ART3: variants seen among roughly 807,000 people sequenced by gnomAD.
ART3 encodes the protein ecto-ADP-ribosyltransferase 3.
In ART3, 49 loss-of-function variants were observed where a neutral mutation model predicts 48.5. The ratio of observed to expected loss-of-function variants is 1.01; its 90% CI spans 0.80 to 1.28. ART3 has a LOEUF of 1.28. Ranked by LOEUF, ART3 falls within the 50% of genes most tolerant of loss-of-function variation. ART3 has a pLI of 0.00. For missense variants in ART3, 438 were observed against 454.3 expected (o/e 0.96, Z 0.33); for synonymous variants, 145 against 157.2 (o/e 0.92, Z 0.58).
At chr4:76,075,025 T>G (rs1432728847) in intron 1 of ART3, among the ~76,000 whole-genome samples, 1 of 152,210 alleles carries the variant, frequency 6.6e-6, no homozygotes, top group Non-Finnish European at 1.5e-5. Context: ...ACAAAACTGC[T>G]TCTGAAGAAA....
chr4:76,017,426 A>T (rs1469848997), intron 1 of ART3, among the ~76,000 whole-genome samples: 1 of 151,772 alleles, frequency 6.6e-6, no homozygotes, highest in Admixed American at 6.6e-5. Flanking sequence ...ACTCTATCCT[A>T]CTGTGGCTGA....
chr4:76,101,743 C>G (rs762151269), intron 8 of ART3, among the ~76,000 whole-genome samples: 7 of 149,198 alleles, frequency 4.7e-5, no homozygotes, highest in Non-Finnish European at 8.9e-5. Flanking sequence ...CAGAGTGAGA[C>G]TCCATCTTGG....
At chr4:76,080,176 C>A (rs1722142742) in intron 2 of ART3, among the ~76,000 whole-genome samples, 1 of 152,014 alleles carries the variant, frequency 6.6e-6, no homozygotes, top group African/African-American at 2.4e-5. Context: ...ATTTTTTGAT[C>A]CATAAGCCAG....
intron 1 of ART3, among the ~76,000 whole-genome samples, chr4:76,013,113 T>G (rs1731950349): frequency 6.6e-6 from 1 of 152,182 alleles, no homozygotes; most frequent in African/African-American, 2.4e-5. Flanking sequence ...TACAGAATAA[T>G]TGGAGGTACA....
intron 2 of ART3, among the ~76,000 whole-genome samples, chr4:76,078,553 C>CG (rs1553932122): frequency 2.6e-5 from 4 of 152,112 alleles, no homozygotes; most frequent in Non-Finnish European, 5.9e-5. Context: ...CCCAGGACTA[C>CG]GGGGGTCTTA....
chr4:76,022,511 G>T, intron 1 of ART3: 1 of 1,543,016 alleles, frequency 6.5e-7, no homozygotes, highest in Non-Finnish European at 8.9e-7. Flanking sequence ...CAATAAAACA[G>T]ATGGCATACG....
intron 8 of ART3, among the ~76,000 whole-genome samples, chr4:76,102,299 G>T (rs1475682546): frequency 6.6e-6 from 1 of 151,968 alleles, no homozygotes; most frequent in Admixed American, 6.6e-5. Flanking sequence ...TTTTAAAATG[G>T]CCAATTTGGG....
intron 2 of ART3, among the ~76,000 whole-genome samples, chr4:76,076,565 C>T (rs1721126686): frequency 6.6e-6 from 1 of 152,152 alleles, no homozygotes; most frequent in African/African-American, 2.4e-5. Context: ...TATGTGTATA[C>T]TGTTTTTAAT....
chr4:76,071,565 C>T (rs1047365024), upstream of ART3, among the ~76,000 whole-genome samples: 51 of 152,336 alleles, frequency 3.3e-4, no homozygotes, highest in African/African-American at 1.1e-3. Flanking sequence ...CATCTCCACT[C>T]TTCTATCAGA....
At chr4:76,059,649 C>T (rs1719017490) in intron 1 of ART3, among the ~76,000 whole-genome samples, 1 of 152,148 alleles carries the variant, frequency 6.6e-6, no homozygotes, top group African/African-American at 2.4e-5. Flanking sequence ...TCAGTACTCT[C>T]ATTACATATT....
At chr4:76,056,810 C>T (rs951996544) in intron 1 of ART3, among the ~76,000 whole-genome samples, 5 of 152,076 alleles carry the variant, frequency 3.3e-5, no homozygotes, top group Admixed American at 6.5e-5. Flanking sequence ...TTCTAAGTAT[C>T]ATGAGAAAAA....
intron 1 of ART3, among the ~76,000 whole-genome samples, chr4:76,015,080 A>G (rs1447232462): frequency 1.3e-5 from 2 of 152,244 alleles, no homozygotes; most frequent in Non-Finnish European, 2.9e-5. Context: ...GCTGAAATGA[A>G]AGGATACTAA....
intron 1 of ART3, among the ~76,000 whole-genome samples, chr4:76,048,264 C>T (rs1303892410): frequency 6.6e-6 from 1 of 151,838 alleles, no homozygotes; most frequent in Non-Finnish European, 1.5e-5. Flanking sequence ...ATTTCCCTTC[C>T]TTCTTACAGA....
At chr4:76,020,977 G>T (rs1732750747) in intron 1 of ART3, 1 of 152,182 alleles carries the variant, frequency 6.6e-6, no homozygotes, top group African/African-American at 2.4e-5. Flanking sequence ...GGAGATTACA[G>T]TTGGAAGGAG....
chr4:76,082,565 G>A (rs372774594), intron 3 of ART3, 30 bp downstream of exon 3: 4 of 1,507,190 alleles, frequency 2.7e-6, no homozygotes, highest in Non-Finnish European at 3.5e-6. Context: ...GTGCTTGGCT[G>A]GGAGGGAAGG....
intron 1 of ART3, among the ~76,000 whole-genome samples, chr4:76,061,368 G>A (rs1404516552): frequency 6.6e-6 from 1 of 152,042 alleles, no homozygotes; most frequent in African/African-American, 2.4e-5. Flanking sequence ...CTATATAATT[G>A]ATACCAAATC....
At chr4:76,094,554 A>G (rs1725596363) in intron 3 of ART3, among the ~76,000 whole-genome samples, 1 of 152,224 alleles carries the variant, frequency 6.6e-6, no homozygotes, top group African/African-American at 2.4e-5. Context: ...CTTATTCTTC[A>G]GATTTTCTAG....
intron 1 of ART3, chr4:76,041,123 T>G (rs1272796826): frequency 6.6e-6 from 1 of 152,220 alleles, no homozygotes; most frequent in African/African-American, 2.4e-5. Flanking sequence ...CCAAGTCCTT[T>G]CCGTGTGTTC....
At chr4:76,054,948 C>G (rs1718542814) in intron 1 of ART3, among the ~76,000 whole-genome samples, 1 of 152,114 alleles carries the variant, frequency 6.6e-6, no homozygotes, top group Non-Finnish European at 1.5e-5. Context: ...TTCTTGTTTT[C>G]TTTCTTTTTT....
Sources: allele counts gnomAD v4.1 joint callset (sites outside exome capture counted in the v4.1 genomes callset), GRCh38; gene constraint gnomAD v4.1.1; transcripts MANE v1.5; gene names NCBI Gene and HGNC (gene_info 2026-07-23, HGNC 2026-07-21).